Variants in PLEKHH1 observed in about 807,000 individuals in gnomAD.
PLEKHH1 encodes pleckstrin homology domain-containing family H member 1.
A neutral mutation model predicts 160.0 loss-of-function variants in PLEKHH1; 104 were observed. That is an observed-to-expected ratio of 0.65 (90% CI 0.55 to 0.76). The LOEUF is 0.76. PLEKHH1 is among the 30% of genes least tolerant of loss of function. PLEKHH1 has a pLI of 0.00. For missense variants in PLEKHH1, 1,427 were observed against 1,724.1 expected, an observed-to-expected ratio of 0.83 and a Z score of 3.05; for synonymous variants, 619 against 678.4, an observed-to-expected ratio of 0.91 and a Z score of 1.36.
rs1219952001 is a variant in PLEKHH1, at chr14:67,577,317, G to C, written c.2477G>C (p.Arg826Thr). ...CTTTGGGCAGATTCGCCGCTCTGGA[G>C]GCACCCCATGCTGTGCTACAGCAAA... is the stretch of plus-strand genomic sequence containing the variant. ...GEGDPDSPLWRHPMLCYSKDG... is the reference protein window; with the variant it reads ...GEGDPDSPLWTHPMLCYSKDG... The change falls in exon 18 of 29, where the codon AGG (arginine) becomes ACG (threonine). Residue 826 changes from arginine (R) to threonine (T), a missense_variant. Transcript: ENST00000329153. 6.4e-7 allele frequency: 1 copy of C among 1,571,184 alleles called. No homozygotes were observed. The highest frequency in any genetic ancestry group is 1.4e-5 in the African/African-American group (1 of 73,748).
At chr14:67,559,821 A>T (rs888382384) in intron 5 of PLEKHH1, 130 bp downstream of exon 5, 19 of 648,670 alleles carry the variant, frequency 2.9e-5, no homozygotes, top group Non-Finnish European at 4.2e-5. Context: ...CTTGTTTTGC[A>T]TTCAGCCTCC....
In PLEKHH1 at chr14:67,588,058, A is replaced by G. The variant is rs1411518453; in HGVS notation, c.*823A>G. 6.6e-6 allele frequency: 1 copy of G among 152,618 alleles called. No individual in the cohort carries two copies. Among genetic ancestry groups the G allele is most frequent in the East Asian group, 1.9e-4 (1 of 5,194 alleles). 9.5% of individuals were successfully genotyped at this position (152,618 alleles called of 1,614,324 possible). On this transcript the variant is annotated 3_prime_UTR_variant, in exon 29 of 29. Coordinates refer to ENST00000329153, the MANE Select transcript of PLEKHH1 (RefSeq NM_020715.3). Reference sequence around the variant, plus strand: ...TCATTTTTCCCCATTATTGGTATGTAGGCATTGGTACAGCCCCTTCTGGGG... The same window carrying G: ...TCATTTTTCCCCATTATTGGTATGTGGGCATTGGTACAGCCCCTTCTGGGG...
intron 23 of PLEKHH1, 156 bp from the exon 24 acceptor site, chr14:67,581,913 C>G (rs1419008601): frequency 1.5e-6 from 1 of 678,836 alleles, no homozygotes; most frequent in South Asian, 1.9e-5. Context: ...GTGTCATACT[C>G]GGTTATATGT....
intron 22 of PLEKHH1, 66 bp downstream of exon 22, chr14:67,579,942 G>C: frequency 6.9e-7 from 1 of 1,444,860 alleles, no homozygotes; most frequent in South Asian, 1.3e-5. Context: ...TGGGGAAAGA[G>C]CCCATCTGAT....
chr14:67,562,589 A>T lies in PLEKHH1; in HGVS notation c.958A>T (p.Thr320Ser). 6.2e-7 allele frequency: 1 copy of T among 1,612,474 alleles called. No homozygotes were observed. The highest frequency in any genetic ancestry group is 8.5e-7 in the Non-Finnish European group (1 of 1,179,200). Residue 320 changes from threonine (T) to serine (S), a missense_variant, in exon 7 of 29, where the codon ACC becomes TCC. By Grantham distance (58) the Thr-to-Ser change is moderately conservative (BLOSUM62 1). Around this residue, in one of 6 missense-constraint regions of PLEKHH1, gnomAD observed 831 missense variants for 929.2 expected, o/e 0.89. Transcript: ENST00000329153. ...CCTACCAAAGGTGCGGGCTCCTGGC[A>T]CCCCGCGGGACAGCATCCAGTTGGC... ...LTLPKVRAPG[T>S]PRDSIQLAKR...
chr14:67,569,227 A>G lies in PLEKHH1; in HGVS notation c.1342+11A>G, dbSNP rs367600124. On this transcript the variant is annotated intron_variant, in intron 8 of 28. Transcript: ENST00000329153. ...ATACTGCATGCTGCGGTGAGTTCCA[A>G]GTGAGGCTTGGAGGCACCAAACACC... 28 of 1,603,296 alleles carry G rather than the reference A, an allele frequency of 1.7e-5. No homozygotes were observed. In the South Asian group the frequency reaches 2.6e-4, roughly 15 times the overall value.
intron 9 of PLEKHH1, 139 bp from the exon 10 acceptor site, chr14:67,571,613 C>A: frequency 1.3e-6 from 1 of 757,458 alleles, no homozygotes; most frequent in Non-Finnish European, 2.2e-6. Context: ...AGGGACCTTA[C>A]ACTGGACAGT....
chr14:67,562,569 C>T lies in PLEKHH1; in HGVS notation c.938C>T (p.Pro313Leu), dbSNP rs200665235. The change falls in exon 7 of 29, where the codon CCA (proline) becomes CTA (leucine). Residue 313 changes from proline to leucine, a missense_variant. Pro to Leu is a moderately conservative substitution (Grantham distance 98, BLOSUM62 -3). Around this residue, in one of 6 missense-constraint regions of PLEKHH1, gnomAD observed 831 missense variants for 929.2 expected, o/e 0.89. Coordinates refer to ENST00000329153, the MANE Select transcript of PLEKHH1 (RefSeq NM_020715.3). ...GGTCCTGGCAGCAGTCTGACCCTAC[C>T]AAAGGTGCGGGCTCCTGGCACCCCG... is the stretch of plus-strand genomic sequence containing the variant. ...EGGPGSSLTLPKVRAPGTPRD... is the reference protein window; with the variant it reads ...EGGPGSSLTLLKVRAPGTPRD... The T allele has an allele frequency of 5.2e-4, 831 of 1,612,212 alleles. 3 individuals carry two copies. In the Middle Eastern group the frequency reaches 5.3e-3, roughly 10 times the overall value.
intron 11 of PLEKHH1, 62 bp downstream of exon 11, chr14:67,572,339 C>A: frequency 6.8e-7 from 1 of 1,476,458 alleles, no homozygotes; most frequent in Non-Finnish European, 9.1e-7. Context: ...TGCTGGGGCC[C>A]TCAGCACAAG....
chr14:67,577,949 A>C, intron 18 of PLEKHH1, 74 bp from the exon 19 acceptor site: 1 of 1,425,066 alleles, frequency 7.0e-7, no homozygotes, highest in Non-Finnish European at 9.7e-7. Flanking sequence ...AGCCCTTGGA[A>C]AATGGCCAAG....
At chr14:67,586,299 A>C in intron 28 of PLEKHH1, 1 of 1,164,030 alleles carries the variant, frequency 8.6e-7, no homozygotes, top group East Asian at 2.5e-5. Context: ...AAAGGGACAT[A>C]TTTGGAGGGA....
intron 5 of PLEKHH1, among the ~76,000 whole-genome samples, chr14:67,560,363 T>TTG (rs1181604023): frequency 6.6e-6 from 1 of 152,090 alleles, no homozygotes; most frequent in Non-Finnish European, 1.5e-5. Flanking sequence ...TTTTAACTAT[T>TTG]TGTGTGTGTG....
intron 26 of PLEKHH1, among the ~76,000 whole-genome samples, chr14:67,584,957 A>G (rs1308672739): frequency 6.6e-6 from 1 of 152,226 alleles, no homozygotes. Context: ...TGGCATGTCC[A>G]ATGTCTATCT....
intron 28 of PLEKHH1, 99 bp downstream of exon 28, chr14:67,586,196 C>G: frequency 7.3e-7 from 1 of 1,368,832 alleles, no homozygotes; most frequent in Non-Finnish European, 1.0e-6. Flanking sequence ...CTGCAAGGGC[C>G]CTGCCCAGAT....
rs1417155488 is a variant in PLEKHH1, at chr14:67,562,738, G to A, written c.1107G>A (p.Arg369=). 2 of 1,613,648 alleles carry A rather than the reference G, an allele frequency of 1.2e-6. No individual in the cohort carries two copies. The highest frequency in any genetic ancestry group is 1.7e-6 in the Non-Finnish European group (2 of 1,179,836). Residue 369 remains arginine (R), a synonymous_variant, in exon 7 of 29, where the codon AGG becomes AGA. Transcript: ENST00000329153. The part of the protein sequence containing the change: ...SGLPELESRA[R]SREEPEKMEM... ...TTCCTGAGCTGGAGTCCCGAGCTAG[G>A]TCCCGGGAGGAACCAGAGAAGATGG...
chr14:67,576,622 CAG>C lies in PLEKHH1; in HGVS notation c.2461+122_2461+123del, dbSNP rs1468887664. The C allele has an allele frequency of 5.3e-6, 3 of 569,594 alleles. No homozygotes were observed. In the African/African-American group the frequency reaches 5.7e-5, roughly 11 times the overall value. 35.3% of individuals were successfully genotyped at this position (569,594 alleles called of 1,614,324 possible). ...AGCTGTTTTTAAAACATCTAAGCCA[CAG>C]AGGGGAAGTTCCCATCCAAGCTCCA... On this transcript the variant is annotated intron_variant, in intron 17 of 28. Coordinates refer to ENST00000329153, the MANE Select transcript of PLEKHH1 (RefSeq NM_020715.3). The surrounding 1 kb of genome is among the most constrained non-coding windows in gnomAD (Gnocchi z 4.0).
chr14:67,571,880 C>T lies in PLEKHH1; in HGVS notation c.1563C>T (p.Gly521=), dbSNP rs2140469002. ...SSESRKTSGL[G]SPRAIKRGVS... ...AGTCCAGGAAGACCAGCGGACTAGG[C>T]AGCCCCCGGGCCATCAAGAGAGGTA... The change falls in exon 10 of 29, where the codon GGC becomes GGT. Residue 521 remains glycine, a synonymous_variant. Transcript: ENST00000329153. 1.2e-6 allele frequency: 2 copies of T among 1,611,996 alleles called. No individual in the cohort carries two copies. The highest frequency in any genetic ancestry group is 1.7e-4 in the Middle Eastern group (1 of 6,056).
chr14:67,580,083 C>A (rs1347951239), intron 22 of PLEKHH1: 8 of 551,594 alleles, frequency 1.5e-5, no homozygotes, highest in Non-Finnish European at 2.6e-5. Flanking sequence ...TCTCTGGAGA[C>A]AAGATCGCTA....
rs559893511 is a variant in PLEKHH1 at position 67,581,010 on chromosome 14, C to T, written c.3256C>T (p.Arg1086Cys). The stretch of plus-strand genomic sequence containing the variant: ...CCCCGGAAAGTCTGAGGGTGGGACA[C>T]GCGTCGTGAAGCTGATGTACAAGAA... ...LHPGKSEGGTRVVKLMYKNRL... is the reference protein window; with the variant it reads ...LHPGKSEGGTCVVKLMYKNRL... Residue 1086 changes from arginine to cysteine, a missense_variant, in exon 23 of 29, where the codon CGC becomes TGC. Transcript: ENST00000329153. 8.1e-6 allele frequency: 13 copies of T among 1,612,462 alleles called. No homozygotes were observed. The highest frequency in any genetic ancestry group is 5.3e-5 in the African/African-American group (4 of 75,000).
Sources: gnomAD v4.1 joint callset for allele counts (sites outside exome capture counted in the v4.1 genomes callset) on GRCh38, gnomAD v4.1.1 for gene constraint, gnomAD v4.1.1 regional missense constraint, Gnocchi (gnomAD v3.1) non-coding constraint, MANE v1.5 for transcripts, NCBI Gene and HGNC (gene_info 2026-07-23, HGNC 2026-07-21) for gene names.